Variants in EXOC4 observed in about 807,000 individuals in gnomAD.
EXOC4 encodes exocyst complex component 4.
EXOC4 carries 71 observed loss-of-function variants against 107.2 expected under a neutral mutation model. That is an observed-to-expected ratio of 0.66 (90% CI 0.55 to 0.81). EXOC4 has a LOEUF of 0.81. Ranked by LOEUF, EXOC4 falls within the 30% of genes least tolerant of loss-of-function variation. EXOC4 has a pLI of 0.00. For missense variants in EXOC4, 1,108 were observed against 1,189.6 expected (o/e 0.93, Z 1.01); for synonymous variants, 456 against 441.2 (o/e 1.03, Z -0.42).
chr7:133,926,567 T>C (rs1800057570), intron 13 of EXOC4, among the ~76,000 whole-genome samples: 2 of 152,178 alleles, frequency 1.3e-5, no homozygotes, highest in Admixed American at 6.5e-5. Flanking sequence ...GGAGGAAAAA[T>C]AATCTATTGA....
intron 7 of EXOC4, among the ~76,000 whole-genome samples, chr7:133,429,944 G>A (rs1032658585): frequency 2.0e-5 from 3 of 152,188 alleles, no homozygotes; most frequent in Admixed American, 6.5e-5. Context: ...TGGGACAAAC[G>A]CTTTTGGGCT....
At chr7:133,444,928 C>CT (rs1270580856) in intron 7 of EXOC4, among the ~76,000 whole-genome samples, 1 of 151,996 alleles carries the variant, frequency 6.6e-6, no homozygotes, top group African/African-American at 2.4e-5. Flanking sequence ...TTTTGGAGCT[C>CT]TTTTTAATCA....
chr7:133,991,287 C>T (rs909597062), intron 14 of EXOC4, among the ~76,000 whole-genome samples: 10 of 151,304 alleles, frequency 6.6e-5, no homozygotes, highest in African/African-American at 9.7e-5. Context: ...TTTTTGTTTT[C>T]GTTTTTTGTT....
In EXOC4 at chr7:133,357,844, T is replaced by G. The variant is rs149560357; in HGVS notation, c.1007+1271T>G. 3.7e-4 allele frequency among the ~76,000 whole-genome samples: 56 copies of G among 152,280 alleles called. 1 individual carries two copies. In the East Asian group the frequency reaches 0.011, roughly 29 times the overall value. On this transcript the variant is annotated intron_variant, in intron 6 of 17. Transcript: ENST00000253861. ...GTAAACTTGATTCAAAAGTACTATG[T>G]TTGGTGAATGGAACTACCCTTTATC... is the stretch of plus-strand genomic sequence containing the variant.
At chr7:134,082,468 G>C in the EXOC4 span, among the ~76,000 whole-genome samples, 12 of 152,106 alleles carry the variant, frequency 7.9e-5, no homozygotes, top group Non-Finnish European at 1.8e-4. Context: ...TGGATACTGA[G>C]TCTTGCTCTG....
At chr7:133,352,194 T>C (rs1483403079) in intron 5 of EXOC4, among the ~76,000 whole-genome samples, 2 of 151,916 alleles carry the variant, frequency 1.3e-5, no homozygotes, top group African/African-American at 4.8e-5. Flanking sequence ...TTAGATCTAG[T>C]TGGTTGATTG....
chr7:133,328,756 T>G (rs966767203), intron 5 of EXOC4, among the ~76,000 whole-genome samples: 1 of 152,210 alleles, frequency 6.6e-6, no homozygotes, highest in Admixed American at 6.5e-5. Context: ...GCCCTCACTG[T>G]CTTCTTGCTT....
chr7:133,346,996 G>GGCA (rs992278877), intron 5 of EXOC4, among the ~76,000 whole-genome samples: 1 of 152,066 alleles, frequency 6.6e-6, no homozygotes, highest in Non-Finnish European at 1.5e-5. Flanking sequence ...TGTGTGGTAT[G>GGCA]GCATATATTA....
intron 10 of EXOC4, among the ~76,000 whole-genome samples, chr7:133,713,922 G>C (rs1031373791): frequency 6.6e-6 from 1 of 152,058 alleles, no homozygotes; most frequent in Non-Finnish European, 1.5e-5. Context: ...GTTCTTTATA[G>C]CAGTATGAAA....
At chr7:133,577,624 A>G (rs1283331122) in intron 9 of EXOC4, among the ~76,000 whole-genome samples, 1 of 152,172 alleles carries the variant, frequency 6.6e-6, no homozygotes, top group African/African-American at 2.4e-5. Context: ...GTTGCCTCCT[A>G]TCACATTCTC....
intron 14 of EXOC4, among the ~76,000 whole-genome samples, chr7:133,961,044 G>C (rs764715537): frequency 6.6e-6 from 1 of 152,114 alleles, no homozygotes; most frequent in African/African-American, 2.4e-5. Flanking sequence ...CTGAGAATAG[G>C]GAGGTTATCT....
At chr7:133,617,478 A>T (rs529831978) in intron 9 of EXOC4, among the ~76,000 whole-genome samples, 1 of 152,324 alleles carries the variant, frequency 6.6e-6, no homozygotes, top group East Asian at 1.9e-4. Context: ...ACATAAGCAA[A>T]ATAACACAAA....
intron 10 of EXOC4, among the ~76,000 whole-genome samples, chr7:133,660,503 G>A (rs763448813): frequency 1.3e-5 from 2 of 152,122 alleles, no homozygotes; most frequent in Non-Finnish European, 2.9e-5. Flanking sequence ...CTTGATAACA[G>A]GAGTATAGCA....
chr7:133,254,224 C>T (rs939881340), intron 1 of EXOC4, among the ~76,000 whole-genome samples: 1 of 152,176 alleles, frequency 6.6e-6, no homozygotes, highest in African/African-American at 2.4e-5. Flanking sequence ...CTGACAAAGA[C>T]ACATCTTATG....
chr7:133,765,202 C>T (rs1170827692), intron 10 of EXOC4, among the ~76,000 whole-genome samples: 1 of 151,984 alleles, frequency 6.6e-6, no homozygotes, highest in Non-Finnish European at 1.5e-5. Context: ...TTTACACTTT[C>T]ATTGAACTGG....
intron 2 of EXOC4, among the ~76,000 whole-genome samples, chr7:133,276,498 C>T (rs562420645): frequency 3.3e-5 from 5 of 152,144 alleles, no homozygotes; most frequent in East Asian, 3.9e-4. Context: ...ATTCTAAAGC[C>T]GTTGTTGCTG....
intron 7 of EXOC4, among the ~76,000 whole-genome samples, chr7:133,441,786 G>A (rs1798109865): frequency 6.6e-6 from 1 of 152,204 alleles, no homozygotes; most frequent in Admixed American, 6.5e-5. Flanking sequence ...ATGATACAGT[G>A]GGGCTAATTT....
At position 133,303,789 on chromosome 7, in the gene EXOC4, A is replaced by G. The variant is rs17167022; in HGVS notation, c.472-2088A>G. ...GAAATATATTCAAAGTTTGTCATTT[A>G]AACAGTTACAATGGCTCAAAGAAGG... On this transcript the variant is annotated intron_variant, in intron 3 of 17. Coordinates refer to ENST00000253861, the MANE Select transcript of EXOC4 (RefSeq NM_021807.4). Among the ~76,000 whole-genome samples, 998 of 152,336 alleles carry G rather than the reference A, an allele frequency of 6.6e-3. 9 individuals are homozygous for G. The highest frequency in any genetic ancestry group is 0.023 in the African/African-American group (955 of 41,576).
At chr7:134,098,628 T>C in the EXOC4 span, among the ~76,000 whole-genome samples, 2 of 152,060 alleles carry the variant, frequency 1.3e-5, no homozygotes, top group African/African-American at 4.8e-5. Context: ...TCTCTAGCAG[T>C]TGGAAGTGAA....
Sources: gnomAD v4.1 joint callset for allele counts (sites outside exome capture counted in the v4.1 genomes callset) on GRCh38, gnomAD v4.1.1 for gene constraint, MANE v1.5 for transcripts, NCBI Gene and HGNC (gene_info 2026-07-23, HGNC 2026-07-21) for gene names.